The following EEFSEC variants were observed in gnomAD, a reference collection of about 807,000 sequenced individuals.
EEFSEC encodes the protein eukaryotic elongation factor, selenocysteine-tRNA specific.
Under a neutral mutation model 42.1 loss-of-function variants are expected in EEFSEC, and 43 were observed. The ratio of observed to expected loss-of-function variants is 1.02; its 90% CI spans 0.80 to 1.32. EEFSEC has a LOEUF of 1.32. EEFSEC is among the 40% of genes most tolerant of loss of function. The pLI, the probability that EEFSEC is intolerant of heterozygous loss-of-function variation, is 0.00. For synonymous variants in EEFSEC, 354 were observed against 339.1 expected (o/e 1.04, Z -0.48); for missense variants, 745 against 803.6 (o/e 0.93, Z 0.88).
intron 4 of EEFSEC, among the ~76,000 whole-genome samples, chr3:128,285,479 G>A (rs2066574204): frequency 6.6e-6 from 1 of 152,088 alleles, no homozygotes; most frequent in African/African-American, 2.4e-5. Context: ...GAGATGGCTG[G>A]GCCTGAGAGG....
At chr3:128,188,720 C>T (rs1420655724) in intron 1 of EEFSEC, among the ~76,000 whole-genome samples, 1 of 152,198 alleles carries the variant, frequency 6.6e-6, no homozygotes, top group Non-Finnish European at 1.5e-5. Flanking sequence ...AGCAGCCCCT[C>T]TTTGCCGGGG....
intron 5 of EEFSEC, among the ~76,000 whole-genome samples, chr3:128,347,591 C>A (rs886543049): frequency 1.4e-4 from 22 of 152,144 alleles, no homozygotes; most frequent in Non-Finnish European, 2.9e-4. Context: ...GAAAAAAGAA[C>A]AATGTTAATA....
At chr3:128,411,674 C>A (rs554053070), downstream of EEFSEC, among the ~76,000 whole-genome samples, 10 of 152,328 alleles carry the variant, frequency 6.6e-5, no homozygotes, top group East Asian at 1.2e-3. Context: ...AGGCCCCCGA[C>A]CAGCAGGGCT....
At chr3:128,391,673 C>T (rs1044300239) in intron 6 of EEFSEC, among the ~76,000 whole-genome samples, 2 of 152,254 alleles carry the variant, frequency 1.3e-5, no homozygotes, top group Admixed American at 1.3e-4. Context: ...CCGTTCCTAT[C>T]AGGTGCTCTC....
intron 4 of EEFSEC, among the ~76,000 whole-genome samples, chr3:128,309,094 T>A (rs1479198783): frequency 6.6e-6 from 1 of 152,164 alleles, no homozygotes. Context: ...AGCAAGAGTG[T>A]GAAAGTGAAG....
chr3:128,393,472 G>A (rs1244310829), intron 6 of EEFSEC, among the ~76,000 whole-genome samples: 1 of 152,186 alleles, frequency 6.6e-6, no homozygotes, highest in Non-Finnish European at 1.5e-5. Flanking sequence ...ACTAGCCCTT[G>A]GAGCCCAGGC....
intron 4 of EEFSEC, among the ~76,000 whole-genome samples, chr3:128,291,447 G>A (rs1011292366): frequency 6.6e-6 from 1 of 151,980 alleles, no homozygotes; most frequent in Non-Finnish European, 1.5e-5. Flanking sequence ...TTGCCCTTAT[G>A]CCACTTGAAG....
chr3:128,198,643 A>G (rs565549234), intron 1 of EEFSEC, among the ~76,000 whole-genome samples: 1 of 152,318 alleles, frequency 6.6e-6, no homozygotes, highest in African/African-American at 2.4e-5. Context: ...CACTGGGGAC[A>G]TTCCTTTCTG....
intron 4 of EEFSEC, among the ~76,000 whole-genome samples, chr3:128,292,391 G>C (rs1279382003): frequency 6.6e-6 from 1 of 151,770 alleles, no homozygotes; most frequent in African/African-American, 2.4e-5. Flanking sequence ...TTTAAAGTTG[G>C]TATCACTTCT....
intron 6 of EEFSEC, among the ~76,000 whole-genome samples, chr3:128,378,039 T>C (rs1227316619): frequency 1.3e-5 from 2 of 152,218 alleles, no homozygotes; most frequent in African/African-American, 4.8e-5. Flanking sequence ...AAACGTGCAG[T>C]TCACAGTCTG....
chr3:128,164,562 G>C (rs983308286), intron 1 of EEFSEC, among the ~76,000 whole-genome samples: 4 of 152,206 alleles, frequency 2.6e-5, no homozygotes, highest in African/African-American at 7.2e-5. Context: ...ACAGGGGGGT[G>C]TGAAAGGAGG....
At chr3:128,407,094 G>C (rs1234533978) in intron 6 of EEFSEC, among the ~76,000 whole-genome samples, 1 of 152,190 alleles carries the variant, frequency 6.6e-6, no homozygotes, top group African/African-American at 2.4e-5. Context: ...ATGATCAGCA[G>C]GGCTGCAGAG....
intron 6 of EEFSEC, among the ~76,000 whole-genome samples, chr3:128,403,900 C>G (rs1469850114): frequency 6.6e-6 from 1 of 152,256 alleles, no homozygotes; most frequent in East Asian, 1.9e-4. Flanking sequence ...GGAGATCTGG[C>G]TGCCTTGTTC....
intron 4 of EEFSEC, among the ~76,000 whole-genome samples, chr3:128,269,679 C>G (rs2066394159): frequency 6.6e-6 from 1 of 152,214 alleles, no homozygotes; most frequent in African/African-American, 2.4e-5. Flanking sequence ...TTGCCCAGGT[C>G]TGTTCCCAGC....
chr3:128,338,304 G>A (rs1230833102), intron 4 of EEFSEC, among the ~76,000 whole-genome samples: 1 of 152,214 alleles, frequency 6.6e-6, no homozygotes, highest in Admixed American at 6.5e-5. Context: ...GCTGGGGCAG[G>A]TGGGAATGCT....
At chr3:128,253,865 G>A (rs893212001) in intron 2 of EEFSEC, among the ~76,000 whole-genome samples, 5 of 152,114 alleles carry the variant, frequency 3.3e-5, no homozygotes, top group African/African-American at 7.2e-5. Context: ...TGAAATCATC[G>A]TGTCACACTG....
intron 4 of EEFSEC, among the ~76,000 whole-genome samples, chr3:128,336,307 C>G (rs2067188739): frequency 6.6e-6 from 1 of 152,198 alleles, no homozygotes; most frequent in Non-Finnish European, 1.5e-5. Context: ...ATGTCTTGAA[C>G]TCTGAGTATC....
At chr3:128,396,783 G>A (rs1443402845) in intron 6 of EEFSEC, among the ~76,000 whole-genome samples, 5 of 152,370 alleles carry the variant, frequency 3.3e-5, no homozygotes, top group African/African-American at 4.8e-5. Flanking sequence ...GTGGAATGGT[G>A]CCTAGCCTGT....
chr3:128,207,179 G>T (rs963451215), intron 1 of EEFSEC, among the ~76,000 whole-genome samples: 5 of 151,318 alleles, frequency 3.3e-5, no homozygotes, highest in Non-Finnish European at 7.4e-5. Flanking sequence ...CTCCCTTCCT[G>T]CTCCCCTCTC....
Sources: allele counts gnomAD v4.1 joint callset (sites outside exome capture counted in the v4.1 genomes callset), GRCh38; gene constraint gnomAD v4.1.1; transcripts MANE v1.5; gene names NCBI Gene and HGNC (gene_info 2026-07-23, HGNC 2026-07-21).